PCDHB3: variants seen among roughly 807,000 people sequenced by gnomAD.
PCDHB3 encodes protocadherin beta 3.
For synonymous variants in PCDHB3, 479 were observed against 456.0 expected, an observed-to-expected ratio of 1.05 and a Z score of -0.64; for missense variants, 967 against 1,012.1, an observed-to-expected ratio of 0.96 and a Z score of 0.60.
In PCDHB3 at chr5:141,100,980, C is replaced by A. The variant is rs1751923570; in HGVS notation, c.331C>A (p.Gln111Lys). Residue 111 changes from glutamine to lysine, a missense_variant, in exon 1 of 1, where the codon CAA becomes AAA. Coordinates refer to ENST00000231130, the MANE Select transcript of PCDHB3 (RefSeq NM_018937.5). ...PCILHFQILL[Q>K]NPLQFVTNEL... ...CATACTACATTTTCAGATATTACTG[C>A]AAAACCCTTTGCAATTCGTTACAAA... 6.2e-7 allele frequency: 1 copy of A among 1,614,118 alleles called. No individual in the cohort carries two copies.
Position 141,102,838 on chromosome 5 carries a change from G to C in PCDHB3, c.2189G>C (p.Gly730Ala), listed in dbSNP as rs782340018. The change falls in exon 1 of 1, where the codon GGC becomes GCC. Residue 730 changes from glycine (G) to alanine (A), a missense_variant. Transcript: ENST00000231130. Reference sequence around the variant, plus strand: ...GTGGGTCGCTGCTCGGTGCCCGAGGGCCCCTTTCCAGGGCAGATGGTGGAC... The same window carrying C: ...GTGGGTCGCTGCTCGGTGCCCGAGGCCCCCTTTCCAGGGCAGATGGTGGAC... Reference protein sequence around the residue: ...ASVGRCSVPEGPFPGQMVDVS... With the variant: ...ASVGRCSVPEAPFPGQMVDVS... The C allele has an allele frequency of 2.5e-6, 4 of 1,613,066 alleles. No individual in the cohort carries two copies. The highest frequency in any genetic ancestry group is 1.1e-5 in the South Asian group (1 of 91,006).
rs1262676390 is a variant in PCDHB3 at position 141,103,199 on chromosome 5, A to C, written c.*159A>C. 6 of 725,242 alleles carry C rather than the reference A, an allele frequency of 8.3e-6. No homozygotes were observed. The highest frequency in any genetic ancestry group is 5.3e-5 in the African/African-American group (3 of 56,090). 44.9% of individuals were successfully genotyped at this position (725,242 alleles called of 1,614,324 possible). On this transcript the variant is annotated 3_prime_UTR_variant, in exon 1 of 1. Coordinates refer to ENST00000231130, the MANE Select transcript of PCDHB3 (RefSeq NM_018937.5). ...CAGGGATGGCTTAGGTTTCATTAACAGTACTGGAAAGTAGTTGTGTGGCTC... is the reference window on the plus strand; with the variant it reads ...CAGGGATGGCTTAGGTTTCATTAACCGTACTGGAAAGTAGTTGTGTGGCTC...
Position 141,100,997 on chromosome 5 carries a change from C to T in PCDHB3, c.348C>T (p.Phe116=), listed in dbSNP as rs943294647. The T allele has an allele frequency of 7.4e-6, 12 of 1,613,970 alleles. No homozygotes were observed. In the African/African-American group the frequency reaches 1.2e-4, roughly 16 times the overall value. The change falls in exon 1 of 1, where the codon TTC becomes TTT. Residue 116 remains phenylalanine, a synonymous_variant. Coordinates refer to ENST00000231130, the MANE Select transcript of PCDHB3 (RefSeq NM_018937.5). ...TATTACTGCAAAACCCTTTGCAATT[C>T]GTTACAAACGAGCTCCGTATCATAG... is the stretch of plus-strand genomic sequence containing the variant. ...FQILLQNPLQ[F]VTNELRIIDV...
In PCDHB3 at chr5:141,100,528, A is replaced by C; in HGVS notation, c.-122A>C. ...GCAGATTTTTGAGCCAGCAAGTCTGAGCCTCTGGAAAGGCTTATTCACTAG... is the reference window on the plus strand; with the variant it reads ...GCAGATTTTTGAGCCAGCAAGTCTGCGCCTCTGGAAAGGCTTATTCACTAG... On this transcript the variant is annotated 5_prime_UTR_variant, in exon 1 of 1. Transcript: ENST00000231130. The C allele has an allele frequency of 1.3e-6, 1 of 773,768 alleles. No homozygotes were observed. The highest frequency in any genetic ancestry group is 2.1e-6 in the Non-Finnish European group (1 of 479,162). The allele number at this position is 773,768 out of a possible 1,614,324, so 47.9% of individuals were successfully genotyped here.
rs1554272139 is a variant in PCDHB3, at chr5:141,100,934, A to G, written c.285A>G (p.Leu95=). ...ATGAGAAATTGGACCGGGAGGAGCT[A>G]TGCGGCCCCACAGAACCATGCATAC... ...LLNEKLDREE[L]CGPTEPCILH... is the part of the protein sequence containing the mutation. The change falls in exon 1 of 1, where the codon CTA becomes CTG. Residue 95 remains leucine (L), a synonymous_variant. Transcript: ENST00000231130. 3.1e-6 allele frequency: 5 copies of G among 1,614,138 alleles called. No homozygotes were observed. In the Admixed American group the frequency reaches 5.0e-5, roughly 16 times the overall value.
Position 141,103,282 on chromosome 5 carries a change from T to C in PCDHB3, c.*242T>C. ...GTCGATAGAACATTTTGTTTATATA[T>C]TGATTCTACTTTTTCTGTAGTTAAT... On this transcript the variant is annotated 3_prime_UTR_variant, in exon 1 of 1. Coordinates refer to ENST00000231130, the MANE Select transcript of PCDHB3 (RefSeq NM_018937.5). 1 of 415,074 alleles carries C rather than the reference T, an allele frequency of 2.4e-6. No homozygotes were observed. Among genetic ancestry groups the C allele is most frequent in the South Asian group, 6.9e-5 (1 of 14,414 alleles). 25.7% of individuals were successfully genotyped at this position (415,074 alleles called of 1,614,324 possible).
Position 141,102,245 on chromosome 5 carries a change from C to T in PCDHB3, c.1596C>T (p.Gly532=), listed in dbSNP as rs782150356. The change falls in exon 1 of 1, where the codon GGC becomes GGT. Residue 532 remains glycine, a synonymous_variant. Coordinates refer to ENST00000231130, the MANE Select transcript of PCDHB3 (RefSeq NM_018937.5). ...EALQAFEFRV[G]ATDRGSPALS... ...TGCAGGCGTTCGAGTTCCGCGTGGGCGCCACAGACCGTGGCTCCCCGGCTT... is the reference window on the plus strand; with the variant it reads ...TGCAGGCGTTCGAGTTCCGCGTGGGTGCCACAGACCGTGGCTCCCCGGCTT... 6.8e-6 allele frequency: 11 copies of T among 1,612,226 alleles called. No homozygotes were observed. Among genetic ancestry groups the T allele is most frequent in the Admixed American group, 3.3e-5 (2 of 59,996 alleles).
In PCDHB3 at chr5:141,101,408, G is replaced by T. The variant is rs558887148; in HGVS notation, c.759G>T (p.Glu253Asp). ...CGCTCTATGAGGTTGCAGTTCTAGA[G>T]AATACCCCCGTTAACTCTGTCATTG... ...AQPLYEVAVL[E>D]NTPVNSVIVT... Residue 253 changes from glutamate to aspartate, a missense_variant, in exon 1 of 1, where the codon GAG becomes GAT. By Grantham distance (45) the Glu-to-Asp change is conservative (BLOSUM62 2). Coordinates refer to ENST00000231130, the MANE Select transcript of PCDHB3 (RefSeq NM_018937.5). The T allele has an allele frequency of 1.9e-6, 3 of 1,614,180 alleles. No homozygotes were observed. The African/African-American group carries it at 4.0e-5, about 22-fold the overall frequency.
At position 141,101,648 on chromosome 5, in the gene PCDHB3, C is replaced by T. The variant is rs1229182576; in HGVS notation, c.999C>T (p.Val333=). The T allele has an allele frequency of 6.2e-7, 1 of 1,614,108 alleles. No homozygotes were observed. Among genetic ancestry groups the T allele is most frequent in the Non-Finnish European group, 8.5e-7 (1 of 1,180,044 alleles). The change falls in exon 1 of 1, where the codon GTC becomes GTT. Residue 333 remains valine, a synonymous_variant. Transcript: ENST00000231130. The part of the protein sequence containing the change: ...DGGGLSGKST[V]IVQVVDVNDN... ...GAGGCCTATCCGGAAAGTCTACAGT[C>T]ATAGTCCAGGTGGTTGATGTCAACG...
In PCDHB3 at chr5:141,100,830, G is replaced by A. The variant is rs1554272093; in HGVS notation, c.181G>A (p.Ala61Thr). The change falls in exon 1 of 1, where the codon GCG becomes ACG. Residue 61 changes from alanine (A) to threonine (T), a missense_variant. Coordinates refer to ENST00000231130, the MANE Select transcript of PCDHB3 (RefSeq NM_018937.5). ...DLGLRVEELA[A>T]RGAQVVSKGN... ...GGGACTAAGGGTAGAGGAACTGGCC[G>A]CGAGGGGGGCCCAAGTTGTGTCCAA... is the stretch of plus-strand genomic sequence containing the variant. The A allele has an allele frequency of 1.2e-6, 2 of 1,614,104 alleles. No individual in the cohort carries two copies. Among genetic ancestry groups the A allele is most frequent in the East Asian group, 2.2e-5 (1 of 44,876 alleles).
rs782049014 is a variant in PCDHB3 at position 141,101,575 on chromosome 5, T to C, written c.926T>C (p.Phe309Ser). The change falls in exon 1 of 1, where the codon TTT becomes TCT. Residue 309 changes from phenylalanine to serine, a missense_variant. Transcript: ENST00000231130. ...GDMQLVKYLN[F>S]EAINSYEVDI... Reference sequence around the variant, plus strand: ...ATGCAACTGGTCAAATATTTGAATTTTGAAGCGATTAATAGTTATGAAGTC... The same window carrying C: ...ATGCAACTGGTCAAATATTTGAATTCTGAAGCGATTAATAGTTATGAAGTC... 6.2e-6 allele frequency: 10 copies of C among 1,614,210 alleles called. No homozygotes were observed. The South Asian group carries it at 8.8e-5, about 14-fold the overall frequency.
Position 141,101,331 on chromosome 5 carries a change from A to G in PCDHB3, c.682A>G (p.Ile228Val), listed in dbSNP as rs1751935837. Residue 228 changes from isoleucine to valine, a missense_variant, in exon 1 of 1, where the codon ATA becomes GTA. Physicochemically the swap from Ile to Val is conservative, Grantham distance 29. Coordinates refer to ENST00000231130, the MANE Select transcript of PCDHB3 (RefSeq NM_018937.5). The part of the protein sequence containing the change: ...GSPPRSGTAQ[I>V]NIQVLDINDN... ...TCCCCCTCGGTCTGGGACAGCCCAG[A>G]TAAACATCCAGGTCTTAGATATAAA... The G allele has an allele frequency of 6.2e-7, 1 of 1,614,068 alleles. No individual in the cohort carries two copies.
Position 141,102,943 on chromosome 5 carries a change from A to AGTT in PCDHB3, c.2295_2297dup (p.Lys765_Phe766insLeu). On this transcript the variant is annotated inframe_insertion, in exon 1 of 1. Coordinates refer to ENST00000231130, the MANE Select transcript of PCDHB3 (RefSeq NM_018937.5). ...GGAGGCTCCGGGACAAATGAGTTCA[A>AGTT]GTTCCTGAAGCCAATTATCCCCAAC... The AGTT allele has an allele frequency of 6.2e-7, 1 of 1,611,472 alleles. No individual in the cohort carries two copies. The highest frequency in any genetic ancestry group is 8.5e-7 in the Non-Finnish European group (1 of 1,178,666).
rs781900680 is a variant in PCDHB3, at chr5:141,100,848, G to A, written c.199G>A (p.Val67Met). ...EELAARGAQV[V>M]SKGNKQHFQL... ...ACTGGCCGCGAGGGGGGCCCAAGTT[G>A]TGTCCAAAGGGAACAAACAGCATTT... The change falls in exon 1 of 1, where the codon GTG (valine) becomes ATG (methionine). Residue 67 changes from valine (V) to methionine (M), a missense_variant. Coordinates refer to ENST00000231130, the MANE Select transcript of PCDHB3 (RefSeq NM_018937.5). 2 of 1,614,020 alleles carry A rather than the reference G, an allele frequency of 1.2e-6. No individual in the cohort carries two copies. Among genetic ancestry groups the A allele is most frequent in the East Asian group, 2.2e-5 (1 of 44,886 alleles).
Position 141,101,167 on chromosome 5 carries a change from C to A in PCDHB3, c.518C>A (p.Thr173Asn). 1 of 1,614,140 alleles carries A rather than the reference C, an allele frequency of 6.2e-7. No individual in the cohort carries two copies. Among genetic ancestry groups the A allele is most frequent in the Non-Finnish European group, 8.5e-7 (1 of 1,180,038 alleles). ...GRNSLQNYTITPNSHFHVLTR... is the reference protein window; with the variant it reads ...GRNSLQNYTINPNSHFHVLTR... The stretch of plus-strand genomic sequence containing the variant: ...AACAGCCTCCAAAACTACACTATCA[C>A]TCCGAATTCCCACTTCCACGTACTC... Residue 173 changes from threonine to asparagine, a missense_variant, in exon 1 of 1, where the codon ACT (threonine) becomes AAT (asparagine). Physicochemically the swap from Thr to Asn is moderately conservative, Grantham distance 65. Transcript: ENST00000231130.
In PCDHB3 at chr5:141,102,455, G is replaced by C. The variant is rs782177805; in HGVS notation, c.1806G>C (p.Leu602=). 1.1e-5 allele frequency: 17 copies of C among 1,609,906 alleles called. No individual in the cohort carries two copies. In the Admixed American group the frequency reaches 2.8e-4, roughly 27 times the overall value. The change falls in exon 1 of 1, where the codon CTG becomes CTC. Residue 602 remains leucine, a synonymous_variant. Coordinates refer to ENST00000231130, the MANE Select transcript of PCDHB3 (RefSeq NM_018937.5). ...VDGDSGQNAW[L]SYQLLKATEP... is the part of the protein sequence containing the mutation. ...GCGACTCGGGCCAGAACGCCTGGCT[G>C]TCGTACCAGCTGCTCAAGGCCACGG...
In PCDHB3 at chr5:141,101,996, C is replaced by T. The variant is rs782743177; in HGVS notation, c.1347C>T (p.Pro449=). The T allele has an allele frequency of 6.2e-7, 1 of 1,613,344 alleles. No homozygotes were observed. ...TCTCCGACGTCAATGACAACGCCCC[C>T]GCCTTCACCCAAATCTCCTACACCC... ...VLVSDVNDNA[P]AFTQISYTLF... Residue 449 remains proline, a synonymous_variant, in exon 1 of 1, where the codon CCC becomes CCT. Coordinates refer to ENST00000231130, the MANE Select transcript of PCDHB3 (RefSeq NM_018937.5).
rs1554272600 is a variant in PCDHB3 at position 141,102,529 on chromosome 5, C to T, written c.1880C>T (p.Ala627Val). 2 of 1,608,638 alleles carry T rather than the reference C, an allele frequency of 1.2e-6. No individual in the cohort carries two copies. The highest frequency in any genetic ancestry group is 2.7e-5 in the African/African-American group (2 of 74,992). ...VWAHNGEVRTARLLSERDAAK... is the reference protein window; with the variant it reads ...VWAHNGEVRTVRLLSERDAAK... ...GCGCACAATGGCGAAGTGCGCACCG[C>T]CAGGCTGCTGAGCGAGCGCGACGCG... Residue 627 changes from alanine (A) to valine (V), a missense_variant, in exon 1 of 1, where the codon GCC (alanine) becomes GTC (valine). Physicochemically the swap from Ala to Val is moderately conservative, Grantham distance 64 (BLOSUM62 0). Transcript: ENST00000231130.
Position 141,103,488 on chromosome 5 carries a change from A to G in PCDHB3, c.*448A>G, listed in dbSNP as rs1159286890. ...ATGTAGAGAGAGTTCCAAACCACCA[A>G]TTTTATAATTTCCCTTGTTGAATAT... On this transcript the variant is annotated 3_prime_UTR_variant, in exon 1 of 1. Transcript: ENST00000231130. 1.9e-5 allele frequency: 3 copies of G among 154,306 alleles called. No individual in the cohort carries two copies. The highest frequency in any genetic ancestry group is 4.3e-5 in the Non-Finnish European group (3 of 69,508). The allele number at this position is 154,306 out of a possible 1,614,324, so 9.6% of individuals were successfully genotyped here.
Sources: allele counts gnomAD v4.1 joint callset, GRCh38; gene constraint gnomAD v4.1.1; transcripts MANE v1.5; gene names NCBI Gene and HGNC (gene_info 2026-07-23, HGNC 2026-07-21).